The following MESP1 variants were observed in gnomAD, a reference collection of about 807,000 sequenced individuals.
The protein encoded by MESP1 is mesoderm posterior bHLH transcription factor 1, also known as mesoderm posterior protein 1.
A neutral mutation model predicts 15.2 loss-of-function variants in MESP1; 22 were observed. The ratio of observed to expected loss-of-function variants is 1.45; its 90% CI spans 1.04 to 2.07. The LOEUF is 2.07. Among genes scored for constraint, MESP1 ranks in the 30% most tolerant of loss-of-function variants. MESP1 has a pLI of 0.00. For missense variants in MESP1, 484 were observed against 411.9 expected, an observed-to-expected ratio of 1.17 and a Z score of -1.51; for synonymous variants, 216 against 192.6, an observed-to-expected ratio of 1.12 and a Z score of -1.01.
Position 89,749,959 on chromosome 15 carries a change from G to T in MESP1, c.*185C>A. The T allele has an allele frequency of 1.6e-6, 1 of 620,932 alleles. No individual in the cohort carries two copies. 38.5% of individuals were successfully genotyped at this position (620,932 alleles called of 1,614,324 possible). A position where few individuals can be genotyped will look rare whatever the true frequency, so the allele number is the denominator to read the frequency against. ...TGCCTCAAAGTGTCTAGCCCTATGG[G>T]TCCCTCCATGGAGGGAGGGGCTGAG... On this transcript the variant is annotated 3_prime_UTR_variant, in exon 2 of 2. Coordinates refer to ENST00000300057, the MANE Select transcript of MESP1 (RefSeq NM_018670.4).
rs1364972486 is a variant in MESP1 at position 89,751,129 on chromosome 15, AGCGGCCGCAGTCCTTGTCGGAGGGCG to A, written c.77_102del (p.Pro26LeufsTer37). The A allele has an allele frequency of 1.0e-5, 13 of 1,279,330 alleles. No individual in the cohort carries two copies. The African/African-American group carries it at 1.8e-4, about 18-fold the overall frequency. The allele number at this position is 1,279,330 out of a possible 1,614,324, so 79.2% of individuals were successfully genotyped here. ...CATGAGTCTGGGGACGAGACGAGGG[AGCGGCCGCAGTCCTTGTCGGAGGGCG>A]GCGGCCGCCGAGTTGGGCCCCAGGC... is the stretch of plus-strand genomic sequence containing the variant. On this transcript the variant is annotated frameshift_variant, in exon 1 of 2. Coordinates refer to ENST00000300057, the MANE Select transcript of MESP1 (RefSeq NM_018670.4). LOFTEE classifies it high-confidence loss of function.
the MESP1 span, chr15:89,738,069 C>T: frequency 7.4e-6 from 12 of 1,613,010 alleles, no homozygotes; most frequent in East Asian, 6.7e-5. Context: ...CTGCGTCCAC[C>T]GACGATGCTG....
rs1334276104 is a variant in MESP1, at chr15:89,750,903, G to T, written c.329C>A (p.Pro110Gln). 1.3e-6 allele frequency: 2 copies of T among 1,488,172 alleles called. No homozygotes were observed. Among genetic ancestry groups the T allele is most frequent in the Admixed American group, 2.4e-5 (1 of 42,492 alleles). The allele number at this position is 1,488,172 out of a possible 1,614,324, so 92.2% of individuals were successfully genotyped here. A position where few individuals can be genotyped will look rare whatever the true frequency, so the allele number is the denominator to read the frequency against. ...RALHELRRFLPPSVAPAGQSL... is the reference protein window; with the variant it reads ...RALHELRRFLQPSVAPAGQSL... ...CTGGCCCGCGGGCGCCACGGACGGC[G>T]GTAGAAAGCGGCGCAGCTCGTGCAG... The change falls in exon 1 of 2, where the codon CCG (proline) becomes CAG (glutamine). Residue 110 changes from proline to glutamine, a missense_variant. Transcript: ENST00000300057.
Position 89,750,757 on chromosome 15 carries a change from A to AC in MESP1, c.474dup (p.Ser159ValfsTer23). ...GGGCACAGCGGGCAGCCCCGAGGGGACCCCGCGTCACCGCGCTGCCGGCAC... is the reference window on the plus strand; with the variant it reads ...GGGCACAGCGGGCAGCCCCGAGGGGACCCCCGCGTCACCGCGCTGCCGGCAC... On this transcript the variant is annotated frameshift_variant, in exon 1 of 2. Coordinates refer to ENST00000300057, the MANE Select transcript of MESP1 (RefSeq NM_018670.4). LOFTEE classifies it high-confidence loss of function. 3 of 1,481,914 alleles carry AC rather than the reference A, an allele frequency of 2.0e-6. No individual in the cohort carries two copies. Among genetic ancestry groups the AC allele is most frequent in the Non-Finnish European group, 1.8e-6 (2 of 1,120,884 alleles). The allele number at this position is 1,481,914 out of a possible 1,614,324, so 91.8% of individuals were successfully genotyped here.
At chr15:89,735,995 C>T in the MESP1 span, among the ~76,000 whole-genome samples, 1 of 152,166 alleles carries the variant, frequency 6.6e-6, no homozygotes, top group Non-Finnish European at 1.5e-5. Flanking sequence ...CATGAGATTG[C>T]TGTGGAATGT....
the MESP1 span, among the ~76,000 whole-genome samples, chr15:89,740,435 T>C: frequency 1.2e-4 from 19 of 152,292 alleles, no homozygotes; most frequent in East Asian, 9.7e-4. Context: ...ATGGTTGACA[T>C]TGGCCCTCTC....
At chr15:89,743,221 G>A in the MESP1 span, 1 of 1,504,918 alleles carries the variant, frequency 6.6e-7, no homozygotes, top group Non-Finnish European at 9.2e-7. Flanking sequence ...GGTAGTCGAG[G>A]TCTGCCCTGG....
chr15:89,747,778 T>G (rs1298092374), downstream of MESP1, among the ~76,000 whole-genome samples: 1 of 152,222 alleles, frequency 6.6e-6, no homozygotes, highest in Admixed American at 6.5e-5. Flanking sequence ...AAAGTGGCCC[T>G]GCAGCTGGGG....
At chr15:89,743,435 C>T in the MESP1 span, 6,752 of 1,590,618 alleles carry the variant, frequency 4.2e-3, 268 homozygotes, top group African/African-American at 0.078. Context: ...GTTTCAGCCA[C>T]GAGGCAGCTG....
the MESP1 span, chr15:89,733,305 G>C: frequency 7.9e-7 from 1 of 1,271,442 alleles, no homozygotes; most frequent in Non-Finnish European, 1.1e-6. Flanking sequence ...CAGCCTCTCT[G>C]ACTACAGTCC....
Position 89,751,028 on chromosome 15 carries a change from G to C in MESP1, c.204C>G (p.Ser68=). The C allele has an allele frequency of 7.4e-6, 10 of 1,353,126 alleles. No individual in the cohort carries two copies. Among genetic ancestry groups the C allele is most frequent in the Non-Finnish European group, 9.4e-6 (10 of 1,061,000 alleles). 83.8% of individuals were successfully genotyped at this position (1,353,126 alleles called of 1,614,324 possible). The change falls in exon 1 of 2, where the codon TCC becomes TCG. Residue 68 remains serine, a synonymous_variant. Coordinates refer to ENST00000300057, the MANE Select transcript of MESP1 (RefSeq NM_018670.4). ...PGTLRDPRAP[S]VGRRGARSSR... ...TGCTGCGCGCGCCGCGCCTACCTAC[G>C]GAGGGGGCGCGGGGGTCCCGGAGGG... is the stretch of plus-strand genomic sequence containing the variant.
At chr15:89,735,682 G>T in the MESP1 span, 57 of 923,930 alleles carry the variant, frequency 6.2e-5, no homozygotes, top group East Asian at 1.4e-3. Context: ...TAGCTTTCGG[G>T]TTTACAAATA....
chr15:89,740,084 G>T, the MESP1 span, among the ~76,000 whole-genome samples: 1 of 152,162 alleles, frequency 6.6e-6, no homozygotes. Context: ...TTTTAATGAT[G>T]CCTGATTTTT....
chr15:89,745,421 C>A (rs1967915367), downstream of MESP1, among the ~76,000 whole-genome samples: 1 of 152,116 alleles, frequency 6.6e-6, no homozygotes, highest in South Asian at 2.1e-4. The surrounding 1 kb of genome is among the most constrained non-coding windows in gnomAD (Gnocchi z 4.8). Context: ...TGCCTGTGGG[C>A]CCAAAAGAGG....
chr15:89,735,947 C>A, the MESP1 span, among the ~76,000 whole-genome samples: 1 of 152,150 alleles, frequency 6.6e-6, no homozygotes, highest in South Asian at 2.1e-4. Context: ...GAGAGCACCA[C>A]GTGTCCCGGG....
downstream of MESP1, among the ~76,000 whole-genome samples, chr15:89,747,096 CCACATACACACACA>C (rs1410577330): frequency 1.4e-4 from 9 of 63,738 alleles, no homozygotes; most frequent in African/African-American, 5.3e-4. Flanking sequence ...AGCCCCACTG[CCACATACACACACA>C]CACACACACA....
the MESP1 span, chr15:89,737,526 G>A: frequency 6.2e-7 from 1 of 1,611,700 alleles, no homozygotes; most frequent in Non-Finnish European, 8.5e-7. Context: ...TTCCTGTGAG[G>A]GACAGAGTCC....
chr15:89,750,075 G>C lies in MESP1; in HGVS notation c.*69C>G, dbSNP rs1481676711. ...TCTTCCAGGAAAGGCAGTCTGCCAA[G>C]GAACCACTTCGAAGGTGCTGAGGCC... On this transcript the variant is annotated 3_prime_UTR_variant, in exon 2 of 2. Transcript: ENST00000300057. 1 of 1,443,178 alleles carries C rather than the reference G, an allele frequency of 6.9e-7. No homozygotes were observed. The highest frequency in any genetic ancestry group is 1.7e-5 in the Admixed American group (1 of 59,680). The allele number at this position is 1,443,178 out of a possible 1,614,324, so 89.4% of individuals were successfully genotyped here.
the MESP1 span, among the ~76,000 whole-genome samples, chr15:89,742,725 G>A: frequency 6.6e-6 from 1 of 152,032 alleles, no homozygotes; most frequent in Non-Finnish European, 1.5e-5. Context: ...TAGAGACGGG[G>A]TTTCTCCAGG....
Sources: gnomAD v4.1 joint callset for allele counts (sites outside exome capture counted in the v4.1 genomes callset) on GRCh38, gnomAD v4.1.1 for gene constraint, Gnocchi (gnomAD v3.1) non-coding constraint, MANE v1.5 for transcripts, NCBI Gene and HGNC (gene_info 2026-07-23, HGNC 2026-07-21) for gene names.